KIFC3: variants seen among roughly 807,000 people sequenced by gnomAD.
KIFC3 encodes kinesin family member C3.
A neutral mutation model predicts 101.8 loss-of-function variants in KIFC3; 60 were observed. That is an observed-to-expected ratio of 0.59 (90% CI 0.48 to 0.73). KIFC3 has a LOEUF of 0.73. KIFC3 is among the 30% of genes least tolerant of loss of function. KIFC3 has a pLI of 0.00. For missense variants in KIFC3, 966 were observed against 1,137.1 expected (o/e 0.85, Z 2.16); for synonymous variants, 476 against 482.7 (o/e 0.99, Z 0.18).
At chr16:57,794,770 C>T (rs1461389274) in intron 3 of KIFC3, among the ~76,000 whole-genome samples, 2 of 152,326 alleles carry the variant, frequency 1.3e-5, no homozygotes, top group African/African-American at 2.4e-5. Context: ...ATTTTAACAC[C>T]TCAGCCAGGG....
Position 57,859,465 on chromosome 16 carries a change from G to A in KIFC3, c.108+3264C>T, listed in dbSNP as rs193292344. ...AATGGAATGAATGACTTTAGTTAAA[G>A]CGTCAAAAGAGTCTCACTAAGGAGA... On this transcript the variant is annotated intron_variant, in intron 1 of 2. Coordinates refer to the KIFC3 transcript ENST00000563028. Among the ~76,000 whole-genome samples, 3 of 152,262 alleles carry A rather than the reference G, an allele frequency of 2.0e-5. No individual in the cohort carries two copies. In the East Asian group the frequency reaches 5.8e-4, roughly 29 times the overall value.
At chr16:57,813,676 G>A in intron 1 of KIFC3, 1 of 985,236 alleles carries the variant, frequency 1.0e-6, no homozygotes, top group Non-Finnish European at 1.2e-6. Context: ...CCTCCCACCT[G>A]GCATCCTGCG....
intron 3 of KIFC3, chr16:57,776,837 C>CA (rs2052159130): frequency 6.6e-6 from 1 of 152,152 alleles, no homozygotes; most frequent in South Asian, 2.1e-4. Flanking sequence ...CACTAGACCT[C>CA]AAGCGGTGGG....
At chr16:57,767,532 C>T (rs1403697379) in intron 9 of KIFC3, among the ~76,000 whole-genome samples, 1 of 152,216 alleles carries the variant, frequency 6.6e-6, no homozygotes, top group Non-Finnish European at 1.5e-5. Context: ...ACAGTGTATA[C>T]AGTCTTCCCT....
At chr16:57,836,487 A>T (rs935363940) in intron 1 of KIFC3, among the ~76,000 whole-genome samples, 11 of 152,122 alleles carry the variant, frequency 7.2e-5, no homozygotes, top group Admixed American at 2.6e-4. Context: ...ATGAAGAGCT[A>T]AGCCTCTGGG....
At chr16:57,780,316 G>C (rs1555613752) in intron 3 of KIFC3, among the ~76,000 whole-genome samples, 1 of 152,114 alleles carries the variant, frequency 6.6e-6, no homozygotes, top group Non-Finnish European at 1.5e-5. Context: ...TTTAAGACCA[G>C]CCTGGCCAAC....
chr16:57,818,296 CAGTT>C (rs2055276100), intron 1 of KIFC3, among the ~76,000 whole-genome samples: 1 of 152,106 alleles, frequency 6.6e-6, no homozygotes, highest in African/African-American at 2.4e-5. Flanking sequence ...GCTTGGGAAA[CAGTT>C]GGTAAGGAAA....
intron 1 of KIFC3, among the ~76,000 whole-genome samples, chr16:57,832,266 C>T (rs1435975463): frequency 6.7e-6 from 1 of 150,154 alleles, no homozygotes; most frequent in Non-Finnish European, 1.5e-5. Context: ...GGTGATCCTC[C>T]TGCCTTGGCC....
At chr16:57,847,193 G>GGAAGGAAGGAA (rs2055937823) in intron 1 of KIFC3, among the ~76,000 whole-genome samples, 2 of 46,094 alleles carry the variant, frequency 4.3e-5, no homozygotes, top group Admixed American at 2.5e-4. Context: ...GAAGGAAGGA[G>GGAAGGAAGGAA]GGAAGGAAGG....
upstream of KIFC3, chr16:57,802,954 T>C (rs1568066754): frequency 2.6e-6 from 4 of 1,534,758 alleles, no homozygotes; most frequent in South Asian, 2.4e-5. This position sits in a 1 kb window ranked among gnomAD's most constrained non-coding sequence, Gnocchi z 5.0. Context: ...CACAAGCTCT[T>C]ACTCACGAGA....
At chr16:57,837,060 G>A (rs1039879489) in intron 1 of KIFC3, among the ~76,000 whole-genome samples, 32 of 152,290 alleles carry the variant, frequency 2.1e-4, no homozygotes, top group African/African-American at 7.5e-4. Context: ...CATATAGTGT[G>A]TGTGTGTTTG....
rs188274079 is a variant in KIFC3 at position 57,820,968 on chromosome 16, T to A, written c.109-22686A>T. On this transcript the variant is annotated intron_variant, in intron 1 of 2. Transcript: ENST00000563028. ...AGACTCTGCATCTACAAAAAAAAAA[T>A]GTCTATTTAAAAAATTAGCCAGGTG... Among the ~76,000 whole-genome samples the A allele has an allele frequency of 7.0e-3, 1,059 of 151,526 alleles. 14 individuals are homozygous for A. Among genetic ancestry groups the A allele is most frequent in the African/African-American group, 0.025 (1,025 of 41,316 alleles).
chr16:57,804,020 G>A (rs1008478697), upstream of KIFC3, among the ~76,000 whole-genome samples: 1 of 152,154 alleles, frequency 6.6e-6, no homozygotes, highest in African/African-American at 2.4e-5. Context: ...TGTCTTTAAA[G>A]TCCTGGTTCA....
chr16:57,811,883 T>G (rs2055084822), intron 1 of KIFC3, among the ~76,000 whole-genome samples: 1 of 140,420 alleles, frequency 7.1e-6, no homozygotes, highest in Non-Finnish European at 1.5e-5. Flanking sequence ...ATTGTGCCAC[T>G]GCACTCTAGC....
intron 1 of KIFC3, among the ~76,000 whole-genome samples, chr16:57,835,450 G>A (rs1255150744): frequency 6.6e-6 from 1 of 152,182 alleles, no homozygotes; most frequent in Non-Finnish European, 1.5e-5. Flanking sequence ...TGGATTTCCT[G>A]TAGTGACCAA....
chr16:57,787,047 T>C (rs978822319), intron 3 of KIFC3, among the ~76,000 whole-genome samples: 3 of 152,212 alleles, frequency 2.0e-5, no homozygotes, highest in Non-Finnish European at 2.9e-5. Context: ...GCAGCATGTA[T>C]GTCACACAGA....
chr16:57,858,795 A>T (rs796810635), intron 1 of KIFC3, among the ~76,000 whole-genome samples: 47 of 152,236 alleles, frequency 3.1e-4, no homozygotes, highest in African/African-American at 1.1e-3. Flanking sequence ...AAAAGTACAA[A>T]AAAGATTAGC....
chr16:57,759,214 A>G lies in KIFC3; in HGVS notation c.2477-61T>C, dbSNP rs1342117495. 22 of 1,538,244 alleles carry G rather than the reference A, an allele frequency of 1.4e-5. No individual in the cohort carries two copies. The Admixed American group carries it at 4.3e-4, about 30-fold the overall frequency. On this transcript the variant is annotated intron_variant, in intron 18 of 19. Transcript: ENST00000445690. ...TTGCCTTGGGCCAGTACCCCACAAG[A>G]CCCTGCTGCTGCTACCCCTTTGGAC...
chr16:57,858,001 A>T (rs1025170587), intron 1 of KIFC3, among the ~76,000 whole-genome samples: 2 of 151,854 alleles, frequency 1.3e-5, no homozygotes, highest in Non-Finnish European at 2.9e-5. Context: ...TATTTTTAGT[A>T]GAGATGGAGT....
Sources: gnomAD v4.1 joint callset for allele counts (sites outside exome capture counted in the v4.1 genomes callset) on GRCh38, gnomAD v4.1.1 for gene constraint, Gnocchi (gnomAD v3.1) non-coding constraint, MANE v1.5 for transcripts, NCBI Gene and HGNC (gene_info 2026-07-23, HGNC 2026-07-21) for gene names.